The following NLRP1 variants were observed in gnomAD, a reference collection of about 807,000 sequenced individuals.
NLRP1 encodes the protein NLR family pyrin domain containing 1.
A neutral mutation model predicts 136.7 loss-of-function variants in NLRP1; 94 were observed. The ratio of observed to expected loss-of-function variants is 0.69; its 90% CI spans 0.58 to 0.82. The LOEUF (loss-of-function observed/expected upper bound fraction) is 0.82, where lower values mean the gene tolerates loss of function less well. NLRP1 is among the 40% of genes least tolerant of loss of function. The pLI is 0.00. For missense variants in NLRP1, 1,575 were observed against 1,802.7 expected (o/e 0.87, Z 2.29); for synonymous variants, 690 against 725.1 (o/e 0.95, Z 0.78).
At chr17:5,570,573 G>C (rs144081247) in intron 3 of NLRP1, among the ~76,000 whole-genome samples, 204 of 152,090 alleles carry the variant, frequency 1.3e-3, no homozygotes, top group Middle Eastern at 6.8e-3. Flanking sequence ...GAGCAATAAC[G>C]AGTTCTAAAA....
chr17:5,538,426 C>T (rs1238042036), intron 7 of NLRP1, among the ~76,000 whole-genome samples: 1 of 152,116 alleles, frequency 6.6e-6, no homozygotes, highest in Non-Finnish European at 1.5e-5. Context: ...GAATACTCTC[C>T]CCAACTTGGC....
At position 5,515,467 on chromosome 17, in the gene NLRP1, AC is replaced by A; in HGVS notation, c.4102+5del. On this transcript the variant is annotated splice_donor_5th_base_variant and intron_variant, in intron 16 of 16. Coordinates refer to ENST00000572272, the MANE Select transcript of NLRP1 (RefSeq NM_033004.4). Reference sequence around the variant, plus strand: ...CCTCCTGTGGTCTCTGAGAGCTGTTACTGACCTATGCGGGCTGGAGGGATCA... The same window carrying A: ...CCTCCTGTGGTCTCTGAGAGCTGTTATGACCTATGCGGGCTGGAGGGATCA... The A allele has an allele frequency of 6.2e-7, 1 of 1,611,808 alleles. No individual in the cohort carries two copies. Among genetic ancestry groups the A allele is most frequent in the Non-Finnish European group, 8.5e-7 (1 of 1,177,980 alleles).
intron 3 of NLRP1, among the ~76,000 whole-genome samples, chr17:5,565,345 T>C (rs1334091082): frequency 6.6e-6 from 1 of 152,244 alleles, no homozygotes; most frequent in Non-Finnish European, 1.5e-5. Context: ...GATTTTTTCC[T>C]ATAGAGTCAT....
At chr17:5,556,900 A>G (rs1411019351) in intron 4 of NLRP1, among the ~76,000 whole-genome samples, 2 of 152,106 alleles carry the variant, frequency 1.3e-5, no homozygotes, top group Non-Finnish European at 2.9e-5. Context: ...CTGGGATTAC[A>G]GGTGTGAGCC....
intron 3 of NLRP1, among the ~76,000 whole-genome samples, chr17:5,574,021 G>T (rs1186964719): frequency 6.6e-6 from 1 of 152,192 alleles, no homozygotes; most frequent in African/African-American, 2.4e-5. Context: ...GCTAAAGGAG[G>T]AAGTTCGAAT....
intron 8 of NLRP1, among the ~76,000 whole-genome samples, chr17:5,535,611 TC>T (rs1484171987): frequency 6.6e-6 from 1 of 152,198 alleles, no homozygotes; most frequent in East Asian, 1.9e-4. Flanking sequence ...TGGACTAAGC[TC>T]CTGGAGGTTG....
At chr17:5,569,964 G>A (rs554083745) in intron 3 of NLRP1, among the ~76,000 whole-genome samples, 121 of 152,194 alleles carry the variant, frequency 8.0e-4, no homozygotes, top group Non-Finnish European at 1.3e-3. Flanking sequence ...TAAGAAGATA[G>A]CTCAGAACCA....
intron 4 of NLRP1, 98 bp from the exon 5 acceptor site, chr17:5,553,654 G>C: frequency 9.0e-7 from 1 of 1,112,106 alleles, no homozygotes; most frequent in Non-Finnish European, 1.3e-6. Context: ...GTCCCCCTGA[G>C]CACCAGGCCA....
At chr17:5,577,293 T>C (rs908188590) in intron 3 of NLRP1, among the ~76,000 whole-genome samples, 3 of 152,182 alleles carry the variant, frequency 2.0e-5, no homozygotes, top group African/African-American at 7.2e-5. Flanking sequence ...AAATAAAGCG[T>C]ATTCAATTAG....
At chr17:5,582,415 G>C (rs1323514095) in intron 2 of NLRP1, among the ~76,000 whole-genome samples, 2 of 152,086 alleles carry the variant, frequency 1.3e-5, no homozygotes, top group Non-Finnish European at 2.9e-5. Context: ...ACCCAGTTGG[G>C]GAAGACTCAT....
At chr17:5,512,780 G>A (rs1424698699), downstream of NLRP1, among the ~76,000 whole-genome samples, 1 of 152,232 alleles carries the variant, frequency 6.6e-6, no homozygotes, top group African/African-American at 2.4e-5. Context: ...AACTGCTGGA[G>A]CTGGTCCTAC....
At chr17:5,511,913 C>A, downstream of NLRP1, 5 of 198,648 alleles carry the variant, frequency 2.5e-5, no homozygotes, top group Non-Finnish European at 2.0e-5. Context: ...TGTTTTTGAC[C>A]ACACCCAGAT....
At chr17:5,578,970 A>G (rs1244200300) in intron 3 of NLRP1, among the ~76,000 whole-genome samples, 1 of 152,204 alleles carries the variant, frequency 6.6e-6, no homozygotes, top group Non-Finnish European at 1.5e-5. Context: ...AGGGAAATGG[A>G]TGAAGCTGGA....
chr17:5,558,698 A>C lies in NLRP1; in HGVS notation c.1998T>G (p.Phe666Leu), dbSNP rs202057812. The C allele has an allele frequency of 3.5e-5, 56 of 1,614,038 alleles. 1 individual carries two copies. In the Admixed American group the frequency reaches 6.0e-4, roughly 17 times the overall value. ...ATAGGAAACGTGTGGTTGATGCCCC[A>C]AACAGGCCATGTATTCCATATGCTT... Reference protein sequence around the residue: ...TLEAYGIHGLFGASTTRFLLG... With the variant: ...TLEAYGIHGLLGASTTRFLLG... The change falls in exon 4 of 17, where the codon TTT (phenylalanine) becomes TTG (leucine). Residue 666 changes from phenylalanine to leucine, a missense_variant. Transcript: ENST00000572272.
chr17:5,562,172 C>T (rs1186153190), intron 3 of NLRP1, among the ~76,000 whole-genome samples: 2 of 152,386 alleles, frequency 1.3e-5, no homozygotes, highest in East Asian at 3.9e-4. Context: ...AGTCCCGCTA[C>T]TCTGTGGGTG....
chr17:5,532,844 C>CGT lies in NLRP1; in HGVS notation c.3273_3274insAC (p.Asp1092ThrfsTer14), dbSNP rs762164530. ...CACCGGTACAAGTTCTTTTCTTTGT[C>CGT]AACTACCTCAGTAGCCACAGGCCCC... On this transcript the variant is annotated frameshift_variant, in exon 11 of 17. Coordinates refer to ENST00000572272, the MANE Select transcript of NLRP1 (RefSeq NM_033004.4). LOFTEE classifies it high-confidence loss of function. 8 of 1,606,630 alleles carry CGT rather than the reference C, an allele frequency of 5.0e-6. No homozygotes were observed. Among genetic ancestry groups the CGT allele is most frequent in the Non-Finnish European group, 6.8e-6 (8 of 1,177,370 alleles).
At chr17:5,555,018 C>CACAT (rs1567657085) in intron 4 of NLRP1, among the ~76,000 whole-genome samples, 1 of 8,858 alleles carries the variant, frequency 1.1e-4, no homozygotes, top group Non-Finnish European at 2.0e-4. Context: ...GAGATCCCAT[C>CACAT]ACACACACAC....
Position 5,559,392 on chromosome 17 carries a change from G to C in NLRP1, c.1304C>G (p.Pro435Arg). 1 of 1,613,996 alleles carries C rather than the reference G, an allele frequency of 6.2e-7. No homozygotes were observed. The highest frequency in any genetic ancestry group is 8.5e-7 in the Non-Finnish European group (1 of 1,179,922). Residue 435 changes from proline to arginine, a missense_variant, in exon 4 of 17, where the codon CCG becomes CGG. By Grantham distance (103) the Pro-to-Arg change is moderately radical. Transcript: ENST00000572272. ...CAAACTGCCCAGCAGTGCATCCGCC[G>C]GCTGTGGCTGGCTCCAGTGCAGACA... ...ELCLHWSQPQ[P>R]ADALLGSLLG...
chr17:5,531,148 A>G (rs759379453), intron 11 of NLRP1, among the ~76,000 whole-genome samples: 1 of 63,898 alleles, frequency 1.6e-5, no homozygotes, highest in Non-Finnish European at 4.5e-5. Flanking sequence ...TTGTCTGTCT[A>G]TCTATCTATC....
Sources: allele counts gnomAD v4.1 joint callset (sites outside exome capture counted in the v4.1 genomes callset), GRCh38; gene constraint gnomAD v4.1.1; transcripts MANE v1.5; gene names NCBI Gene and HGNC (gene_info 2026-07-23, HGNC 2026-07-21).